CNBD1: variants seen among roughly 807,000 people sequenced by gnomAD.
CNBD1 encodes the protein cyclic nucleotide-binding domain-containing protein 1.
Under a neutral mutation model 54.4 loss-of-function variants are expected in CNBD1, and 71 were observed. The observed-to-expected ratio is 1.30, with a 90% CI of 1.08 to 1.59. The LOEUF (loss-of-function observed/expected upper bound fraction) is 1.59. Among genes scored for constraint, CNBD1 ranks in the 40% most tolerant of loss-of-function variants. The pLI is 0.00. For missense variants in CNBD1, 659 were observed against 518.0 expected, an observed-to-expected ratio of 1.27 and a Z score of -2.64; for synonymous variants, 182 against 170.7, an observed-to-expected ratio of 1.07 and a Z score of -0.51.
intron 4 of CNBD1, among the ~76,000 whole-genome samples, chr8:87,012,241 G>A (rs1213968714): frequency 6.6e-6 from 1 of 152,132 alleles, no homozygotes; most frequent in Non-Finnish European, 1.5e-5. Context: ...TTTGTTGGTT[G>A]TACTTGTGGT....
chr8:87,221,724 G>A (rs910874477), intron 5 of CNBD1, among the ~76,000 whole-genome samples: 1 of 152,020 alleles, frequency 6.6e-6, no homozygotes, highest in Non-Finnish European at 1.5e-5. Flanking sequence ...GGAACAGAGA[G>A]TATCAATATT....
intron 8 of CNBD1, among the ~76,000 whole-genome samples, chr8:87,317,896 A>AT (rs1246360049): frequency 7.0e-6 from 1 of 142,176 alleles, no homozygotes; most frequent in African/African-American, 2.6e-5. Flanking sequence ...TATATACTTG[A>AT]TTTTTTTTCT....
At chr8:87,381,937 C>T (rs1280831244) in intron 10 of CNBD1, among the ~76,000 whole-genome samples, 1 of 151,676 alleles carries the variant, frequency 6.6e-6, no homozygotes, top group African/African-American at 2.4e-5. Context: ...AACATTCTAC[C>T]TATAGTCAAC....
intron 8 of CNBD1, among the ~76,000 whole-genome samples, chr8:87,343,148 G>C (rs1432827397): frequency 6.6e-6 from 1 of 152,104 alleles, no homozygotes; most frequent in Non-Finnish European, 1.5e-5. Context: ...GCTGTATTCT[G>C]CCCAACCACG....
At chr8:86,984,814 G>A (rs1489232845) in intron 4 of CNBD1, among the ~76,000 whole-genome samples, 2 of 152,172 alleles carry the variant, frequency 1.3e-5, no homozygotes, top group Admixed American at 1.3e-4. Context: ...CAGGCTCATA[G>A]GCAGAAGGGA....
chr8:86,903,825 G>A (rs375259391), intron 2 of CNBD1, among the ~76,000 whole-genome samples: 12 of 151,574 alleles, frequency 7.9e-5, no homozygotes, highest in African/African-American at 2.2e-4. Context: ...ACAGGTAGAT[G>A]TGTAAAACAG....
chr8:87,426,449 G>T (rs1273239990), intron 2 of CNBD1, among the ~76,000 whole-genome samples: 2 of 152,154 alleles, frequency 1.3e-5, no homozygotes, highest in East Asian at 1.9e-4. Context: ...ATGACAAAAT[G>T]ATGTTCCTAC....
At chr8:87,265,579 T>C (rs538526328) in intron 6 of CNBD1, among the ~76,000 whole-genome samples, 1 of 152,258 alleles carries the variant, frequency 6.6e-6, no homozygotes, top group Non-Finnish European at 1.5e-5. Context: ...ATAATAGGAA[T>C]TATCTGGGGA....
intron 8 of CNBD1, among the ~76,000 whole-genome samples, chr8:87,297,706 T>C (rs200746258): frequency 2.5e-5 from 2 of 80,440 alleles, no homozygotes; most frequent in Non-Finnish European, 7.0e-5. Flanking sequence ...ATGTGGGGTG[T>C]GTGTGTGTGT....
intron 3 of CNBD1, among the ~76,000 whole-genome samples, chr8:86,928,881 G>A (rs763264642): frequency 2.0e-5 from 3 of 152,164 alleles, no homozygotes; most frequent in Admixed American, 6.6e-5. Flanking sequence ...TTGGTGGAGA[G>A]TCTTAAGTAT....
rs116786570 is a variant in CNBD1, at chr8:87,046,728, T to C, written c.431+106974T>C. On this transcript the variant is annotated intron_variant, in intron 4 of 10. Coordinates refer to ENST00000518476, the MANE Select transcript of CNBD1 (RefSeq NM_173538.3). ...AAGTATAGTCATTTATGGTGCCATT[T>C]GGGACTCTACACACTAGGTGGGAAG... Among the ~76,000 whole-genome samples the C allele has an allele frequency of 6.3e-3, 965 of 152,298 alleles. 17 individuals carry two copies. Among genetic ancestry groups the C allele is most frequent in the African/African-American group, 0.021 (892 of 41,572 alleles).
In CNBD1 at chr8:87,333,963, CT is replaced by C. The variant is rs1029628012; in HGVS notation, c.1043-17721del. Among the ~76,000 whole-genome samples, 113 of 152,150 alleles carry C rather than the reference CT, an allele frequency of 7.4e-4. 1 individual carries two copies. The highest frequency in any genetic ancestry group is 2.6e-3 in the African/African-American group (107 of 41,530). ...GAATGGTACCAGCTCCTCTTTTTAC[CT>C]CTGGTTGAATTCGGCTGTTAATCCA... On this transcript the variant is annotated intron_variant, in intron 8 of 10. Transcript: ENST00000518476.
chr8:87,199,703 C>G (rs1251320993), intron 4 of CNBD1, among the ~76,000 whole-genome samples: 3 of 152,178 alleles, frequency 2.0e-5, no homozygotes, highest in Admixed American at 6.5e-5. Flanking sequence ...CTTCTCCTCA[C>G]AAGATTCCCC....
chr8:87,373,912 T>C (rs987930134), intron 10 of CNBD1, among the ~76,000 whole-genome samples: 1 of 151,850 alleles, frequency 6.6e-6, no homozygotes, highest in Non-Finnish European at 1.5e-5. Context: ...TATTTCATGA[T>C]TAATTTAAAT....
At chr8:86,990,307 C>G (rs112936552) in intron 4 of CNBD1, among the ~76,000 whole-genome samples, 22 of 152,198 alleles carry the variant, frequency 1.4e-4, no homozygotes, top group African/African-American at 4.8e-4. Context: ...CAATGCTTTC[C>G]TGTAGTAGTT....
intron 4 of CNBD1, among the ~76,000 whole-genome samples, chr8:86,968,875 C>A (rs1344991449): frequency 1.3e-5 from 2 of 152,176 alleles, no homozygotes; most frequent in East Asian, 1.9e-4. Flanking sequence ...ACTTTGAGTT[C>A]TATCTTTTGT....
At chr8:87,357,457 G>A (rs956192478) in intron 10 of CNBD1, among the ~76,000 whole-genome samples, 2 of 152,192 alleles carry the variant, frequency 1.3e-5, no homozygotes, top group Non-Finnish European at 2.9e-5. Flanking sequence ...CATAATTAGA[G>A]TCAACAGAGA....
In CNBD1 at chr8:86,880,772, C is replaced by A. The variant is rs141187634; in HGVS notation, c.89-6770C>A. Among the ~76,000 whole-genome samples, 56 of 151,922 alleles carry A rather than the reference C, an allele frequency of 3.7e-4. 1 individual carries two copies. Among genetic ancestry groups the A allele is most frequent in the African/African-American group, 1.3e-3 (54 of 41,486 alleles). On this transcript the variant is annotated intron_variant, in intron 1 of 10. Coordinates refer to ENST00000518476, the MANE Select transcript of CNBD1 (RefSeq NM_173538.3). ...CCTTTATGAACAGCAATGAAAAAAT[C>A]CTCAACAAAATATCGGCAAACCCAA...
intron 1 of CNBD1, 57 bp from the exon 2 acceptor site, chr8:86,887,485 C>A: frequency 9.3e-7 from 1 of 1,078,958 alleles, no homozygotes; most frequent in Non-Finnish European, 1.4e-6. Context: ...TCTATTTACA[C>A]ACTTGCTTAA....
Sources: gnomAD v4.1 joint callset for allele counts (sites outside exome capture counted in the v4.1 genomes callset) on GRCh38, gnomAD v4.1.1 for gene constraint, MANE v1.5 for transcripts, NCBI Gene and HGNC (gene_info 2026-07-23, HGNC 2026-07-21) for gene names.